Variants in SLC25A21 observed in about 807,000 individuals in gnomAD.
SLC25A21 encodes the protein mitochondrial 2-oxodicarboxylate carrier.
A neutral mutation model predicts 43.8 loss-of-function variants in SLC25A21; 47 were observed. The observed-to-expected ratio is 1.07, with a 90% confidence interval of 0.85 to 1.37. SLC25A21 has a LOEUF of 1.37. SLC25A21 is among the 40% of genes most tolerant of loss of function. The pLI is 0.00. For missense variants in SLC25A21, 352 were observed against 350.2 expected (o/e 1.00, Z -0.04); for synonymous variants, 131 against 121.3 (o/e 1.08, Z -0.52).
intron 3 of SLC25A21, among the ~76,000 whole-genome samples, chr14:36,805,470 A>T (rs183397729): frequency 6.6e-6 from 1 of 152,152 alleles, no homozygotes; most frequent in African/African-American, 2.4e-5. Flanking sequence ...CCCTCTGAGC[A>T]CTCTGCAAAT....
In SLC25A21 at chr14:36,680,548, C is replaced by A; in HGVS notation, c.*110G>T. 2 of 1,397,000 alleles carry A rather than the reference C, an allele frequency of 1.4e-6. No individual in the cohort carries two copies. Among genetic ancestry groups the A allele is most frequent in the Non-Finnish European group, 1.9e-6 (2 of 1,070,686 alleles). 86.5% of individuals were successfully genotyped at this position (1,397,000 alleles called of 1,614,324 possible). A position where few individuals can be genotyped will look rare whatever the true frequency, so the allele number is the denominator to read the frequency against. On this transcript the variant is annotated 3_prime_UTR_variant, in exon 10 of 10. Coordinates refer to ENST00000331299, the MANE Select transcript of SLC25A21 (RefSeq NM_030631.4). ...TATTAAAATAGATTTTGTTCTTGAACAGTTTTCTCCTTCATAATTATACAC... is the reference window on the plus strand; with the variant it reads ...TATTAAAATAGATTTTGTTCTTGAAAAGTTTTCTCCTTCATAATTATACAC...
intron 1 of SLC25A21, among the ~76,000 whole-genome samples, chr14:37,091,201 G>A (rs1962578147): frequency 1.3e-5 from 2 of 152,044 alleles, no homozygotes; most frequent in African/African-American, 4.8e-5. Flanking sequence ...TTGGGAGGTC[G>A]AGGCAGGTGG....
At chr14:37,025,070 T>G (rs1056698191) in intron 1 of SLC25A21, among the ~76,000 whole-genome samples, 2 of 151,890 alleles carry the variant, frequency 1.3e-5, no homozygotes, top group Non-Finnish European at 2.9e-5. Context: ...TAAAAAAAAA[T>G]AGTGACAGGC....
At chr14:36,916,786 C>T (rs1379999668) in intron 1 of SLC25A21, among the ~76,000 whole-genome samples, 6 of 152,090 alleles carry the variant, frequency 3.9e-5, no homozygotes, top group African/African-American at 1.2e-4. Flanking sequence ...TTTTACATTT[C>T]CCCCTGGACA....
At chr14:36,976,606 T>C (rs1166607698) in intron 1 of SLC25A21, among the ~76,000 whole-genome samples, 1 of 151,964 alleles carries the variant, frequency 6.6e-6, no homozygotes, top group Non-Finnish European at 1.5e-5. Context: ...GGTGAGAGGA[T>C]TTGCCTCTCA....
At chr14:36,813,840 A>T in intron 3 of SLC25A21, 78 bp downstream of exon 3, 1 of 1,072,860 alleles carries the variant, frequency 9.3e-7, no homozygotes, top group Non-Finnish European at 1.4e-6. Context: ...TAGTAAGACT[A>T]GGAAAATAAA....
intron 3 of SLC25A21, among the ~76,000 whole-genome samples, chr14:36,799,367 T>G (rs111533405): frequency 3.3e-5 from 5 of 152,170 alleles, no homozygotes; most frequent in South Asian, 4.2e-4. Context: ...CCCGAGCAAT[T>G]TGGAGTTTAA....
intron 1 of SLC25A21, among the ~76,000 whole-genome samples, chr14:37,027,899 C>A (rs1213554488): frequency 1.3e-5 from 2 of 152,100 alleles, no homozygotes; most frequent in East Asian, 3.8e-4. Context: ...ATAAAAAACT[C>A]TAGAAACGTA....
At chr14:37,068,895 C>T (rs978806353) in intron 1 of SLC25A21, among the ~76,000 whole-genome samples, 2 of 152,138 alleles carry the variant, frequency 1.3e-5, no homozygotes, top group Non-Finnish European at 2.9e-5. Flanking sequence ...GACAACTTGG[C>T]CAGGCGCGGT....
Position 36,680,431 on chromosome 14 carries a change from A to C in SLC25A21, c.*227T>G. ...CTATTTTTCTATATTCACTTTAAAT[A>C]CCTCATTGTTTCATATTATTTTTTT... is the stretch of plus-strand genomic sequence containing the variant. On this transcript the variant is annotated 3_prime_UTR_variant, in exon 10 of 10. Coordinates refer to ENST00000331299, the MANE Select transcript of SLC25A21 (RefSeq NM_030631.4). 1 of 1,138,942 alleles carries C rather than the reference A, an allele frequency of 8.8e-7. No homozygotes were observed. Among genetic ancestry groups the C allele is most frequent in the Non-Finnish European group, 1.1e-6 (1 of 918,516 alleles). 70.6% of individuals were successfully genotyped at this position (1,138,942 alleles called of 1,614,324 possible).
chr14:36,839,404 T>G (rs989112325), intron 2 of SLC25A21, among the ~76,000 whole-genome samples: 1 of 152,238 alleles, frequency 6.6e-6, no homozygotes, highest in Non-Finnish European at 1.5e-5. Flanking sequence ...TGGACTTTAT[T>G]TTGACTGTTA....
chr14:37,060,929 C>T (rs745855738), intron 1 of SLC25A21, among the ~76,000 whole-genome samples: 1 of 152,168 alleles, frequency 6.6e-6, no homozygotes, highest in East Asian at 1.9e-4. Context: ...ATCCAGGGGA[C>T]GTTCTGCCCA....
chr14:36,798,816 T>C (rs925563087), intron 3 of SLC25A21, among the ~76,000 whole-genome samples: 2 of 152,068 alleles, frequency 1.3e-5, no homozygotes, highest in Non-Finnish European at 2.9e-5. Context: ...TATTTAATAA[T>C]GGGATTGTCC....
At chr14:36,759,413 C>T (rs191091561) in intron 3 of SLC25A21, among the ~76,000 whole-genome samples, 19 of 152,254 alleles carry the variant, frequency 1.2e-4, no homozygotes, top group Admixed American at 1.2e-3. Flanking sequence ...TTATGAGGGA[C>T]ATTTTGTTGT....
chr14:36,704,255 A>G (rs57557514), intron 7 of SLC25A21, among the ~76,000 whole-genome samples: 24,347 of 152,196 alleles, frequency 0.16, 2,708 homozygotes, highest in East Asian at 0.3. Context: ...GGGTCTGAGC[A>G]TGGCAGAAAG....
chr14:36,991,117 C>T lies in SLC25A21; in HGVS notation c.71-116113G>A, dbSNP rs561765382. On this transcript the variant is annotated intron_variant, in intron 1 of 9. Transcript: ENST00000331299. ...TGATAATGTAAATAGTCCAGTGGAG[C>T]ATTTTTAGTCATAAGCACCAAAAGA... Among the ~76,000 whole-genome samples, 11 of 152,214 alleles carry T rather than the reference C, an allele frequency of 7.2e-5. No homozygotes were observed. The East Asian group carries it at 1.5e-3, about 21-fold the overall frequency.
intron 1 of SLC25A21, among the ~76,000 whole-genome samples, chr14:37,057,809 T>TC (rs1387860841): frequency 1.3e-5 from 2 of 152,228 alleles, no homozygotes; most frequent in Non-Finnish European, 1.5e-5. Flanking sequence ...GAGAGCGTTT[T>TC]CCCTTTTAAC....
chr14:37,070,132 C>T (rs946749406), intron 1 of SLC25A21, among the ~76,000 whole-genome samples: 3 of 152,108 alleles, frequency 2.0e-5, no homozygotes, highest in Non-Finnish European at 2.9e-5. Context: ...TTGTTCTTTA[C>T]ATTTTGGCAA....
chr14:36,885,899 T>C (rs932806661), intron 1 of SLC25A21, among the ~76,000 whole-genome samples: 1 of 152,206 alleles, frequency 6.6e-6, no homozygotes, highest in Non-Finnish European at 1.5e-5. Flanking sequence ...ACTTCCTTGA[T>C]GTTTTCGAAT....
Sources: allele counts gnomAD v4.1 joint callset (sites outside exome capture counted in the v4.1 genomes callset), GRCh38; gene constraint gnomAD v4.1.1; transcripts MANE v1.5; gene names NCBI Gene and HGNC (gene_info 2026-07-23, HGNC 2026-07-21).